ANKS1B: variants seen among roughly 807,000 people sequenced by gnomAD.
The protein encoded by ANKS1B is ankyrin repeat and sterile alpha motif domain-containing protein 1B.
A neutral mutation model predicts 148.3 loss-of-function variants in ANKS1B; 36 were observed. The observed-to-expected ratio is 0.24, with a 90% CI of 0.19 to 0.32. The LOEUF (loss-of-function observed/expected upper bound fraction) is 0.32. Ranked by LOEUF, ANKS1B falls within the 10% of genes least tolerant of loss-of-function variation. ANKS1B has a pLI of 1.00. For synonymous variants in ANKS1B, 542 were observed against 560.8 expected, an observed-to-expected ratio of 0.97 and a Z score of 0.47; for missense variants, 1,157 against 1,542.6, an observed-to-expected ratio of 0.75 and a Z score of 4.19.
In ANKS1B at chr12:98,776,959, G is replaced by A. The variant is rs534687094; in HGVS notation, c.3442-3780C>T. Among the ~76,000 whole-genome samples, 257 of 152,346 alleles carry A rather than the reference G, an allele frequency of 1.7e-3. 2 individuals are homozygous for A. The highest frequency in any genetic ancestry group is 5.9e-3 in the African/African-American group (245 of 41,582). ...TAATTCCAGTGCTTTGGGAAGCTGA[G>A]GCAGAAATATTGCTTGAAGCAAGGA... On this transcript the variant is annotated intron_variant, in intron 24 of 26. Coordinates refer to ENST00000683438, the MANE Select transcript of ANKS1B (RefSeq NM_001352186.2).
chr12:99,534,712 T>TTC (rs2097046077), intron 9 of ANKS1B, among the ~76,000 whole-genome samples: 4 of 85,412 alleles, frequency 4.7e-5, no homozygotes, highest in African/African-American at 1.9e-4. Context: ...TTTCTTTTCT[T>TTC]TTTTTTTTTT....
chr12:99,315,828 A>C, intron 12 of ANKS1B, among the ~76,000 whole-genome samples: 8 of 150,426 alleles, frequency 5.3e-5, no homozygotes, highest in African/African-American at 1.2e-4. Context: ...CTCTCCCCCC[A>C]CCCCATGACA....
At chr12:99,369,791 T>TAGATAGATAGATAGATAGATGGAC (rs879173702) in intron 12 of ANKS1B, among the ~76,000 whole-genome samples, 14 of 148,890 alleles carry the variant, frequency 9.4e-5, no homozygotes, top group East Asian at 4.0e-4. Context: ...GATAGATAGA[T>TAGATAGATAGATAGATAGATGGAC]GGACGGACGG....
chr12:99,446,909 G>A (rs917705462), intron 10 of ANKS1B, among the ~76,000 whole-genome samples: 14 of 152,150 alleles, frequency 9.2e-5, no homozygotes, highest in South Asian at 4.1e-4. Context: ...AGGTCATGAC[G>A]TTAGCATTTT....
chr12:99,026,417 T>C (rs2099948792), intron 17 of ANKS1B, among the ~76,000 whole-genome samples: 1 of 152,108 alleles, frequency 6.6e-6, no homozygotes, highest in Non-Finnish European at 1.5e-5. Context: ...TCCAACTCCC[T>C]ATAGGAGTAG....
At chr12:99,650,781 G>A (rs1044207155) in intron 9 of ANKS1B, among the ~76,000 whole-genome samples, 1 of 151,990 alleles carries the variant, frequency 6.6e-6, no homozygotes, top group Non-Finnish European at 1.5e-5. Context: ...TCATAATCTG[G>A]ACAAAAACTG....
Position 99,137,627 on chromosome 12 carries a change from C to G in ANKS1B, c.2526+16662G>C, listed in dbSNP as rs549114332. ...TCGCCTGGCCCCTGTTTGGTAAAAA[C>G]CTCCTTGGTTTTATGTATTTCCTCT... On this transcript the variant is annotated intron_variant, in intron 15 of 26. Coordinates refer to ENST00000683438, the MANE Select transcript of ANKS1B (RefSeq NM_001352186.2). Among the ~76,000 whole-genome samples the G allele has an allele frequency of 2.0e-5, 3 of 152,176 alleles. No individual in the cohort carries two copies. The South Asian group carries it at 6.2e-4, about 32-fold the overall frequency.
intron 12 of ANKS1B, among the ~76,000 whole-genome samples, chr12:99,330,197 T>C (rs1441870195): frequency 6.6e-6 from 1 of 152,014 alleles, no homozygotes. Flanking sequence ...TACAACTTAA[T>C]GGAAGAAATA....
At chr12:99,650,239 T>C (rs956519939) in intron 9 of ANKS1B, among the ~76,000 whole-genome samples, 1 of 96,348 alleles carries the variant, frequency 1.0e-5, no homozygotes, top group African/African-American at 3.4e-5. Flanking sequence ...GGAGAATTAT[T>C]CTAAAACTGT....
intron 8 of ANKS1B, among the ~76,000 whole-genome samples, chr12:99,711,688 C>CA (rs555607712): frequency 2.6e-5 from 4 of 151,798 alleles, no homozygotes; most frequent in Admixed American, 6.6e-5. Flanking sequence ...ATTAAAAAGT[C>CA]AAAAAAATAG....
intron 8 of ANKS1B, among the ~76,000 whole-genome samples, chr12:99,748,719 CAG>C (rs1189333325): frequency 6.6e-6 from 1 of 151,854 alleles, no homozygotes; most frequent in African/African-American, 2.4e-5. Flanking sequence ...AAAGATAAAA[CAG>C]GGTAATGGAA....
intron 9 of ANKS1B, among the ~76,000 whole-genome samples, chr12:99,504,877 T>C (rs1322295443): frequency 1.3e-5 from 2 of 152,120 alleles, no homozygotes; most frequent in Non-Finnish European, 2.9e-5. Flanking sequence ...GGTATTGCCC[T>C]TTTTTGTAAT....
chr12:99,723,460 C>T (rs1290638581), intron 8 of ANKS1B, among the ~76,000 whole-genome samples: 3 of 152,132 alleles, frequency 2.0e-5, no homozygotes, highest in Non-Finnish European at 2.9e-5. Context: ...AACTCCAACT[C>T]CAGGCAGGGG....
At chr12:99,338,908 A>G (rs2089439366) in intron 12 of ANKS1B, among the ~76,000 whole-genome samples, 1 of 152,104 alleles carries the variant, frequency 6.6e-6, no homozygotes. Flanking sequence ...TTCCGAGTTG[A>G]AAGATGAAGT....
chr12:99,193,865 G>A (rs551681019), intron 14 of ANKS1B, among the ~76,000 whole-genome samples: 4 of 138,104 alleles, frequency 2.9e-5, no homozygotes, highest in East Asian at 4.5e-4. Flanking sequence ...GCAGTGGTGC[G>A]ATCTTGGTTC....
At position 99,255,840 on chromosome 12, in the gene ANKS1B, CTT is replaced by C. The variant is rs1351158496; in HGVS notation, c.1757-8978_1757-8977del. On this transcript the variant is annotated intron_variant, in intron 12 of 26. Transcript: ENST00000683438. Reference sequence around the variant, plus strand: ...AAATATAGTGTGTATGAATATGAGTCTTTGACATGTTGAAACTTGCTTATAGT... The same window carrying C: ...AAATATAGTGTGTATGAATATGAGTCTGACATGTTGAAACTTGCTTATAGT... 5.3e-5 allele frequency among the ~76,000 whole-genome samples: 8 copies of C among 152,144 alleles called. No individual in the cohort carries two copies. In the East Asian group the frequency reaches 1.4e-3, roughly 26 times the overall value.
intron 12 of ANKS1B, among the ~76,000 whole-genome samples, chr12:99,247,561 C>T (rs963954544): frequency 5.3e-5 from 8 of 152,098 alleles, no homozygotes; most frequent in African/African-American, 9.7e-5. Context: ...TTCTCTGAAA[C>T]GGCATTAGCT....
chr12:99,139,237 C>T (rs1055803396), intron 15 of ANKS1B, among the ~76,000 whole-genome samples: 7 of 140,936 alleles, frequency 5.0e-5, no homozygotes, highest in Admixed American at 2.1e-4. Context: ...TCCTTCCTTC[C>T]TTCTCTCTTT....
chr12:99,120,956 T>C (rs1274578955), intron 15 of ANKS1B, among the ~76,000 whole-genome samples: 1 of 152,196 alleles, frequency 6.6e-6, no homozygotes, highest in Non-Finnish European at 1.5e-5. Context: ...AGTACAGGGC[T>C]AGTAAAGCGT....
Sources: allele counts gnomAD v4.1 joint callset (sites outside exome capture counted in the v4.1 genomes callset), GRCh38; gene constraint gnomAD v4.1.1; transcripts MANE v1.5; gene names NCBI Gene and HGNC (gene_info 2026-07-23, HGNC 2026-07-21).